Variants in CBLN2 observed in about 807,000 individuals in gnomAD.
CBLN2 encodes cerebellin-2.
In CBLN2, 7 loss-of-function variants were observed where a neutral mutation model predicts 15.0. The observed-to-expected ratio is 0.47, with a 90% CI of 0.27 to 0.88. The LOEUF (loss-of-function observed/expected upper bound fraction) is 0.88, where lower values mean the gene tolerates loss of function less well. Among genes scored for constraint, CBLN2 ranks in the 40% least tolerant of loss-of-function variants. The pLI is 0.14. For synonymous variants in CBLN2, 149 were observed against 135.2 expected, an observed-to-expected ratio of 1.10 and a Z score of -0.71; for missense variants, 242 against 304.5, an observed-to-expected ratio of 0.79 and a Z score of 1.53.
chr18:72,627,428 A>G (rs1318695962), intron 1 of CBLN2, among the ~76,000 whole-genome samples: 1 of 152,224 alleles, frequency 6.6e-6, no homozygotes, highest in Admixed American at 6.5e-5. Context: ...TTATGTAAGA[A>G]GATGTTGCTG....
At chr18:72,601,876 T>G (rs1341145052) in intron 1 of CBLN2, among the ~76,000 whole-genome samples, 1 of 152,202 alleles carries the variant, frequency 6.6e-6, no homozygotes, top group Admixed American at 6.5e-5. Flanking sequence ...GTTCCATTCC[T>G]TCTCCCTTTG....
chr18:72,583,799 T>C (rs182960190), intron 1 of CBLN2, among the ~76,000 whole-genome samples: 1 of 152,202 alleles, frequency 6.6e-6, no homozygotes, highest in African/African-American at 2.4e-5. Context: ...GTTAGAATCA[T>C]GGCCTGGCCA....
At chr18:72,635,585 A>G (rs2069807119) in intron 1 of CBLN2, among the ~76,000 whole-genome samples, 1 of 152,204 alleles carries the variant, frequency 6.6e-6, no homozygotes. Flanking sequence ...CATTTTTAGA[A>G]AAAACATTAA....
intron 1 of CBLN2, among the ~76,000 whole-genome samples, chr18:72,583,685 C>T (rs1038806224): frequency 5.3e-5 from 8 of 152,088 alleles, no homozygotes; most frequent in African/African-American, 1.9e-4. Context: ...CTCTCAGAAA[C>T]TCTTGTCTAT....
intron 1 of CBLN2, among the ~76,000 whole-genome samples, chr18:72,630,542 C>T (rs1975120): frequency 6.8e-6 from 1 of 146,456 alleles, no homozygotes; most frequent in South Asian, 2.3e-4. Context: ...TCACAACCCT[C>T]CCCCCCACAC....
rs114748601 is a variant in CBLN2 at position 72,564,982 on chromosome 18, G to A, written c.16-26210C>T. Among the ~76,000 whole-genome samples, 1,199 of 152,248 alleles carry A rather than the reference G, an allele frequency of 7.9e-3. 18 individuals carry two copies. Among genetic ancestry groups the A allele is most frequent in the African/African-American group, 0.027 (1,117 of 41,538 alleles). On this transcript the variant is annotated intron_variant, in intron 1 of 2. Coordinates refer to the CBLN2 transcript ENST00000581073. ...TCAGCAGGAGCAGTTAGGAGAGAAC[G>A]AGAAGACATAAAGTGTTGTGAGAAA...
intron 1 of CBLN2, among the ~76,000 whole-genome samples, chr18:72,588,211 T>A (rs1372214921): frequency 6.6e-6 from 1 of 152,188 alleles, no homozygotes; most frequent in Non-Finnish European, 1.5e-5. Flanking sequence ...TTCAAACAAG[T>A]GTGAGGAGGT....
chr18:72,600,045 T>C (rs1427086953), intron 1 of CBLN2, among the ~76,000 whole-genome samples: 1 of 152,224 alleles, frequency 6.6e-6, no homozygotes, highest in Non-Finnish European at 1.5e-5. Context: ...TACAGCCTGC[T>C]CATTTGTCAC....
intron 1 of CBLN2, among the ~76,000 whole-genome samples, chr18:72,565,733 G>T (rs1330488745): frequency 1.3e-5 from 2 of 152,240 alleles, no homozygotes; most frequent in Non-Finnish European, 2.9e-5. Flanking sequence ...GAGGTTCATG[G>T]TTGCATGACC....
intron 1 of CBLN2, among the ~76,000 whole-genome samples, chr18:72,616,064 G>T (rs1303703308): frequency 6.6e-6 from 1 of 152,128 alleles, no homozygotes; most frequent in Non-Finnish European, 1.5e-5. Flanking sequence ...ACACTACTGT[G>T]TTCCTGATAA....
intron 1 of CBLN2, among the ~76,000 whole-genome samples, chr18:72,619,407 G>A (rs1198799906): frequency 6.6e-6 from 1 of 152,190 alleles, no homozygotes; most frequent in Admixed American, 6.5e-5. Context: ...CTGTATTTGT[G>A]ATTAATTGTA....
At chr18:72,601,851 T>C (rs974960890) in intron 1 of CBLN2, among the ~76,000 whole-genome samples, 1 of 152,208 alleles carries the variant, frequency 6.6e-6, no homozygotes, top group Non-Finnish European at 1.5e-5. Flanking sequence ...CCTATGTTAC[T>C]GTTGAGCTGC....
chr18:72,570,910 AT>A (rs1599004392), intron 1 of CBLN2, among the ~76,000 whole-genome samples: 1 of 152,088 alleles, frequency 6.6e-6, no homozygotes, highest in East Asian at 1.9e-4. Context: ...TCATGAACAA[AT>A]TTTAGTGATT....
At chr18:72,566,678 T>G (rs1024115115) in intron 1 of CBLN2, among the ~76,000 whole-genome samples, 12 of 152,172 alleles carry the variant, frequency 7.9e-5, no homozygotes, top group African/African-American at 2.9e-4. Context: ...AGAAGAGATT[T>G]GTTAATGAGT....
chr18:72,637,742 C>A (rs1325296385), intron 1 of CBLN2, among the ~76,000 whole-genome samples: 1 of 151,854 alleles, frequency 6.6e-6, no homozygotes, highest in Non-Finnish European at 1.5e-5. Context: ...GGGAACCCCC[C>A]ATCCCACCTC....
At chr18:72,556,761 C>A (rs2069229334) in intron 1 of CBLN2, among the ~76,000 whole-genome samples, 2 of 151,754 alleles carry the variant, frequency 1.3e-5, no homozygotes, top group Non-Finnish European at 2.9e-5. Context: ...CAACTTAGAG[C>A]AAATTACTGA....
intron 1 of CBLN2, among the ~76,000 whole-genome samples, chr18:72,578,499 G>T (rs895601997): frequency 6.6e-6 from 1 of 152,132 alleles, no homozygotes; most frequent in South Asian, 2.1e-4. Context: ...AGTCAAAACC[G>T]CTGGTGAAGA....
At chr18:72,592,851 AC>A (rs998570023) in intron 1 of CBLN2, among the ~76,000 whole-genome samples, 1 of 151,848 alleles carries the variant, frequency 6.6e-6, no homozygotes, top group African/African-American at 2.4e-5. Context: ...TGGTCTTTGT[AC>A]CTTTTTTATA....
chr18:72,567,794 T>A (rs1454422871), intron 1 of CBLN2, among the ~76,000 whole-genome samples: 5 of 152,188 alleles, frequency 3.3e-5, no homozygotes, highest in African/African-American at 1.2e-4. Context: ...ATTTTGCACA[T>A]CAGACCCCTC....
Sources: allele counts gnomAD v4.1 joint callset (sites outside exome capture counted in the v4.1 genomes callset), GRCh38; gene constraint gnomAD v4.1.1; transcripts MANE v1.5; gene names NCBI Gene and HGNC (gene_info 2026-07-23, HGNC 2026-07-21).